The following CTNND2 variants were observed in gnomAD, a reference collection of about 807,000 sequenced individuals.
CTNND2 encodes the protein catenin delta-2.
Under a neutral mutation model 144.4 loss-of-function variants are expected in CTNND2, and 22 were observed. That is an observed-to-expected ratio of 0.15 (90% CI 0.11 to 0.22). CTNND2 has a LOEUF of 0.22. CTNND2 is among the 10% of genes least tolerant of loss of function. The pLI is 1.00. For missense variants in CTNND2, 1,353 were observed against 1,618.8 expected, an observed-to-expected ratio of 0.84 and a Z score of 2.82; for synonymous variants, 751 against 695.6, an observed-to-expected ratio of 1.08 and a Z score of -1.25.
In CTNND2 at chr5:11,661,143, A is replaced by G. The variant is rs938691861; in HGVS notation, c.174+70993T>C. On this transcript the variant is annotated intron_variant, in intron 2 of 21. Coordinates refer to ENST00000304623, the MANE Select transcript of CTNND2 (RefSeq NM_001332.4). Reference sequence around the variant, plus strand: ...AACTTATCACCCACTTTAGATGTGTACTGTTATAAAGCTCTCTTGTTTACA... The same window carrying G: ...AACTTATCACCCACTTTAGATGTGTGCTGTTATAAAGCTCTCTTGTTTACA... Among the ~76,000 whole-genome samples, 5 of 152,178 alleles carry G rather than the reference A, an allele frequency of 3.3e-5. No homozygotes were observed. In the East Asian group the frequency reaches 9.6e-4, roughly 29 times the overall value.
rs558159407 is a variant in CTNND2 at position 11,047,831 on chromosome 5, T to C, written c.2789-24852A>G. ...CCTGCAGGGCTGGGGAGCTGCTGTG[T>C]TCCTAGCAGGTGACCCTGCTTGTAA... On this transcript the variant is annotated intron_variant, in intron 16 of 21. Coordinates refer to ENST00000304623, the MANE Select transcript of CTNND2 (RefSeq NM_001332.4). Among the ~76,000 whole-genome samples the C allele has an allele frequency of 3.9e-5, 6 of 152,198 alleles. 1 individual carries two copies. In the South Asian group the frequency reaches 1.2e-3, roughly 32 times the overall value.
At chr5:11,879,463 A>G (rs1488134962) in intron 1 of CTNND2, among the ~76,000 whole-genome samples, 1 of 151,140 alleles carries the variant, frequency 6.6e-6, no homozygotes, top group Non-Finnish European at 1.5e-5. Flanking sequence ...ACATCTGGGA[A>G]CAGCATTTAT....
At chr5:11,169,775 C>T (rs533031278) in intron 11 of CTNND2, among the ~76,000 whole-genome samples, 1 of 152,044 alleles carries the variant, frequency 6.6e-6, no homozygotes, top group African/African-American at 2.4e-5. Context: ...TCCAAGAGTC[C>T]CCGGATTGGA....
intron 3 of CTNND2, among the ~76,000 whole-genome samples, chr5:11,506,999 C>T (rs371071288): frequency 2.1e-4 from 32 of 152,298 alleles, no homozygotes; most frequent in African/African-American, 6.7e-4. Flanking sequence ...TACCTCTCCA[C>T]GTACTCTCCC....
chr5:11,728,321 T>A (rs1027332666), intron 2 of CTNND2, among the ~76,000 whole-genome samples: 2 of 146,192 alleles, frequency 1.4e-5, no homozygotes, highest in African/African-American at 5.2e-5. Flanking sequence ...AAAAAAAAAA[T>A]AGCCAGGCGT....
chr5:11,647,828 G>A (rs1350605936), intron 2 of CTNND2, among the ~76,000 whole-genome samples: 1 of 152,016 alleles, frequency 6.6e-6, no homozygotes, highest in African/African-American at 2.4e-5. Flanking sequence ...CCATGATCTT[G>A]CTCTAGAGTC....
intron 3 of CTNND2, among the ~76,000 whole-genome samples, chr5:11,430,938 G>A (rs1025447143): frequency 2.6e-5 from 4 of 152,046 alleles, no homozygotes; most frequent in East Asian, 1.9e-4. Context: ...GCTAAAATAC[G>A]GGTTGTGTAT....
In CTNND2 at chr5:11,433,700, C is replaced by G. The variant is rs1385942887; in HGVS notation, c.288-21631G>C. Among the ~76,000 whole-genome samples, 3 of 152,258 alleles carry G rather than the reference C, an allele frequency of 2.0e-5. No homozygotes were observed. In the South Asian group the frequency reaches 6.2e-4, roughly 32 times the overall value. On this transcript the variant is annotated intron_variant, in intron 3 of 21. Transcript: ENST00000304623. Reference sequence around the variant, plus strand: ...ATCTTCTGTGAACGAAGAGTGAGAGCTCACTCACTATCGCAGAGACAGCAC... The same window carrying G: ...ATCTTCTGTGAACGAAGAGTGAGAGGTCACTCACTATCGCAGAGACAGCAC...
chr5:11,401,453 C>T (rs1486229023), intron 5 of CTNND2, among the ~76,000 whole-genome samples: 4 of 152,126 alleles, frequency 2.6e-5, no homozygotes, highest in Non-Finnish European at 4.4e-5. Context: ...TAAGTCACAA[C>T]CACACTAATG....
At chr5:11,551,432 C>CTTTTTTTTTTTTTT (rs70949326) in intron 3 of CTNND2, among the ~76,000 whole-genome samples, 34 of 100,902 alleles carry the variant, frequency 3.4e-4, no homozygotes, top group African/African-American at 5.1e-4. Context: ...TTTCTTTTTT[C>CTTTTTTTTTTTTTT]TTTTTTTTTT....
intron 16 of CTNND2, among the ~76,000 whole-genome samples, chr5:11,076,614 A>G (rs1044570502): frequency 1.2e-4 from 19 of 152,234 alleles, no homozygotes; most frequent in African/African-American, 3.4e-4. Flanking sequence ...ATCTATCTAT[A>G]GCATACTTAT....
At chr5:11,367,482 T>C (rs1757091848) in intron 7 of CTNND2, among the ~76,000 whole-genome samples, 1 of 152,234 alleles carries the variant, frequency 6.6e-6, no homozygotes, top group African/African-American at 2.4e-5. Flanking sequence ...AGATGGTGTA[T>C]ATATTTGCTG....
intron 9 of CTNND2, among the ~76,000 whole-genome samples, chr5:11,314,791 G>A (rs1422671493): frequency 2.6e-5 from 4 of 152,196 alleles, no homozygotes; most frequent in African/African-American, 9.7e-5. Context: ...CACTACCCCT[G>A]AAGAAATGAA....
At chr5:11,747,326 C>G (rs1788368771) in intron 1 of CTNND2, among the ~76,000 whole-genome samples, 1 of 152,126 alleles carries the variant, frequency 6.6e-6, no homozygotes, top group Non-Finnish European at 1.5e-5. Flanking sequence ...TAAAATTTGA[C>G]TCTTCCAGAA....
In CTNND2 at chr5:11,249,799, A is replaced by C. The variant is rs150499550; in HGVS notation, c.1629-12976T>G. 2.1e-3 allele frequency among the ~76,000 whole-genome samples: 322 copies of C among 151,920 alleles called. 1 individual carries two copies. Among genetic ancestry groups the C allele is most frequent in the African/African-American group, 5.8e-3 (239 of 41,462 alleles). On this transcript the variant is annotated intron_variant, in intron 9 of 21. Coordinates refer to ENST00000304623, the MANE Select transcript of CTNND2 (RefSeq NM_001332.4). ...TAGTACAAAAACAAACAAAAAAAAA[A>C]CCAAAAATCTAAAGCCATTTAATTA...
chr5:11,681,450 T>C (rs563790334), intron 2 of CTNND2, among the ~76,000 whole-genome samples: 1 of 152,192 alleles, frequency 6.6e-6, no homozygotes, highest in Admixed American at 6.5e-5. Flanking sequence ...CCTTTCTCTT[T>C]CTTGGTTTGT....
At chr5:11,271,188 A>G (rs983406778) in intron 9 of CTNND2, among the ~76,000 whole-genome samples, 1 of 152,208 alleles carries the variant, frequency 6.6e-6, no homozygotes, top group African/African-American at 2.4e-5. Flanking sequence ...GTTCTGTTCT[A>G]TTCCATTACA....
At chr5:11,254,252 TG>T in intron 9 of CTNND2, among the ~76,000 whole-genome samples, 1 of 152,278 alleles carries the variant, frequency 6.6e-6, no homozygotes, top group East Asian at 1.9e-4. Flanking sequence ...TGTGCAAAGT[TG>T]GTAAAAGAAG....
At chr5:11,454,204 G>A (rs560840840) in intron 3 of CTNND2, among the ~76,000 whole-genome samples, 4 of 152,118 alleles carry the variant, frequency 2.6e-5, no homozygotes, top group Admixed American at 6.5e-5. Context: ...GGCGAGTTAC[G>A]AGGTCTAGAG....
Sources: gnomAD v4.1 joint callset for allele counts (sites outside exome capture counted in the v4.1 genomes callset) on GRCh38, gnomAD v4.1.1 for gene constraint, MANE v1.5 for transcripts, NCBI Gene and HGNC (gene_info 2026-07-23, HGNC 2026-07-21) for gene names.